The following ZNF708 variants were observed in gnomAD, a reference collection of about 807,000 sequenced individuals.
ZNF708 encodes the protein zinc finger protein 708.
In ZNF708, 44 loss-of-function variants were observed where a neutral mutation model predicts 47.0. The ratio of observed to expected loss-of-function variants is 0.94; its 90% confidence interval spans 0.74 to 1.20. ZNF708 has a LOEUF of 1.20. Among genes scored for constraint, ZNF708 ranks in the 50% most tolerant of loss-of-function variants. The pLI is 0.00. For synonymous variants in ZNF708, 184 were observed against 218.5 expected (o/e 0.84, Z 1.39); for missense variants, 557 against 656.0 (o/e 0.85, Z 1.65).
At chr19:21,316,962 T>C (rs1008816643) in intron 1 of ZNF708, among the ~76,000 whole-genome samples, 1 of 151,896 alleles carries the variant, frequency 6.6e-6, no homozygotes, top group Non-Finnish European at 1.5e-5. Flanking sequence ...AATTTTTGTA[T>C]TTTTAGTAGA....
chr19:21,325,328 A>G (rs1416031383), intron 1 of ZNF708, among the ~76,000 whole-genome samples: 1 of 152,246 alleles, frequency 6.6e-6, no homozygotes, highest in East Asian at 1.9e-4. Context: ...CTATAAGGCC[A>G]TAGTCACCAA....
At chr19:21,318,023 C>G (rs1370426599) in intron 1 of ZNF708, 1 of 152,172 alleles carries the variant, frequency 6.6e-6, no homozygotes, top group Non-Finnish European at 1.5e-5. Context: ...CTACTTATGG[C>G]TAGTGTCCTC....
At chr19:21,326,337 G>T (rs1348741411) in intron 1 of ZNF708, among the ~76,000 whole-genome samples, 3 of 152,082 alleles carry the variant, frequency 2.0e-5, no homozygotes, top group Non-Finnish European at 4.4e-5. Context: ...TCAATGAATG[G>T]ATAAAGAAAC....
At chr19:21,302,485 G>T (rs1972679606) in intron 3 of ZNF708, among the ~76,000 whole-genome samples, 1 of 151,960 alleles carries the variant, frequency 6.6e-6, no homozygotes, top group African/African-American at 2.4e-5. Context: ...ATCACCTGAG[G>T]TCAGAAGTTT....
chr19:21,327,959 C>A (rs1973296391), intron 1 of ZNF708: 1 of 1,031,032 alleles, frequency 9.7e-7, no homozygotes. Context: ...ACACTCCATA[C>A]CTCAGGTTGT....
chr19:21,326,574 C>T (rs548932048), intron 1 of ZNF708, among the ~76,000 whole-genome samples: 5 of 152,082 alleles, frequency 3.3e-5, no homozygotes, highest in South Asian at 2.1e-4. Context: ...GGAAGGGGGA[C>T]GAGGGATAAA....
At chr19:21,325,839 G>C (rs758989263) in intron 1 of ZNF708, among the ~76,000 whole-genome samples, 1 of 152,084 alleles carries the variant, frequency 6.6e-6, no homozygotes, top group African/African-American at 2.4e-5. Context: ...CTAATATCTA[G>C]AGTCTACAAC....
At chr19:21,324,296 A>C (rs925448587) in intron 1 of ZNF708, among the ~76,000 whole-genome samples, 4 of 152,060 alleles carry the variant, frequency 2.6e-5, no homozygotes, top group African/African-American at 9.7e-5. Flanking sequence ...GGCTGGGCGC[A>C]GTGGCTTACG....
intron 3 of ZNF708, among the ~76,000 whole-genome samples, chr19:21,298,382 TCA>T (rs1295671444): frequency 1.4e-4 from 21 of 152,154 alleles, no homozygotes; most frequent in Non-Finnish European, 2.5e-4. Flanking sequence ...ACGGAAAAAT[TCA>T]CAAATATATA....
At chr19:21,313,438 C>G (rs1471301956) in intron 1 of ZNF708, among the ~76,000 whole-genome samples, 1 of 152,084 alleles carries the variant, frequency 6.6e-6, no homozygotes, top group Admixed American at 6.6e-5. Context: ...AACTCTTCTA[C>G]TGTTTCTCTG....
At position 21,294,010 on chromosome 19, in the gene ZNF708, A is replaced by G; in HGVS notation, c.956T>C (p.Leu319Pro). ...KCGECGKAFT[L>P]SSHLTTHKRI... ...CTTATGTGTAGTAAGGTGTGAAGATAGGGTAAAGGCTTTGCCACATTCTCC... is the reference window on the plus strand; with the variant it reads ...CTTATGTGTAGTAAGGTGTGAAGATGGGGTAAAGGCTTTGCCACATTCTCC... The change falls in exon 4 of 4, where the codon CTA becomes CCA. Residue 319 changes from leucine (L) to proline (P), a missense_variant. Coordinates refer to ENST00000356929, the MANE Select transcript of ZNF708 (RefSeq NM_021269.3). The G allele has an allele frequency of 6.2e-7, 1 of 1,608,904 alleles. No homozygotes were observed. The highest frequency in any genetic ancestry group is 8.5e-7 in the Non-Finnish European group (1 of 1,178,380).
At chr19:21,297,271 T>TATATATATATA (rs1491214834) in intron 3 of ZNF708, among the ~76,000 whole-genome samples, 21 of 16,962 alleles carry the variant, frequency 1.2e-3, no homozygotes, top group East Asian at 4.9e-3. Flanking sequence ...TATATATATA[T>TATATATATATA]TTTTTTTTTT....
At chr19:21,299,782 A>G (rs1972617230) in intron 3 of ZNF708, among the ~76,000 whole-genome samples, 1 of 152,044 alleles carries the variant, frequency 6.6e-6, no homozygotes, top group Admixed American at 6.6e-5. Flanking sequence ...CAAAAAAAAA[A>G]AAAAAAATTG....
rs1491214834 is a variant in ZNF708, at chr19:21,297,271, T to TATATATATATATATA, written c.227-2533_227-2532insTATATATATATATAT. ...ATATATATATATATATATATATATATTTTTTTTTTTTTTTTTTTTTTTTTT... is the reference window on the plus strand; with the variant it reads ...ATATATATATATATATATATATATATATATATATATATATATTTTTTTTTTTTTTTTTTTTTTTTT... On this transcript the variant is annotated intron_variant, in intron 3 of 3. Transcript: ENST00000356929. 2.5e-3 allele frequency among the ~76,000 whole-genome samples: 43 copies of TATATATATATATATA among 16,964 alleles called. 6 individuals are homozygous for TATATATATATATATA. Among genetic ancestry groups the TATATATATATATATA allele is most frequent in the East Asian group, 9.7e-3 (6 of 616 alleles). 11.1% of individuals were successfully genotyped at this position (16,964 alleles called of 152,430 possible).
chr19:21,325,564 C>G (rs1973239132), intron 1 of ZNF708, among the ~76,000 whole-genome samples: 2 of 152,134 alleles, frequency 1.3e-5, no homozygotes, highest in African/African-American at 2.4e-5. Flanking sequence ...CAAAAATCAA[C>G]TCAAGATGGA....
chr19:21,296,436 A>T (rs1394214748), intron 3 of ZNF708, among the ~76,000 whole-genome samples: 1 of 152,126 alleles, frequency 6.6e-6, no homozygotes, highest in Middle Eastern at 3.2e-3. Context: ...TGAGAGGCGG[A>T]GATTGCAGTG....
At position 21,294,000 on chromosome 19, in the gene ZNF708, G is replaced by C. The variant is rs766267710; in HGVS notation, c.966C>G (p.His322Gln). Residue 322 changes from histidine (H) to glutamine (Q), a missense_variant, in exon 4 of 4, where the codon CAC becomes CAG. Transcript: ENST00000356929. ...TATGAATCCTCTTATGTGTAGTAAGGTGTGAAGATAGGGTAAAGGCTTTGC... is the reference window on the plus strand; with the variant it reads ...TATGAATCCTCTTATGTGTAGTAAGCTGTGAAGATAGGGTAAAGGCTTTGC... ...ECGKAFTLSS[H>Q]LTTHKRIHTG... The C allele has an allele frequency of 1.1e-5, 18 of 1,611,620 alleles. No individual in the cohort carries two copies. In the South Asian group the frequency reaches 2.0e-4, roughly 18 times the overall value.
intron 3 of ZNF708, among the ~76,000 whole-genome samples, chr19:21,295,034 A>G (rs1388701412): frequency 6.6e-6 from 1 of 152,214 alleles, no homozygotes; most frequent in Non-Finnish European, 1.5e-5. Flanking sequence ...GCTGCCCAAT[A>G]TAACATAGCG....
intron 1 of ZNF708, among the ~76,000 whole-genome samples, chr19:21,322,689 A>G (rs1973177448): frequency 6.6e-6 from 1 of 152,234 alleles, no homozygotes; most frequent in Non-Finnish European, 1.5e-5. Flanking sequence ...CAGCCTGTGT[A>G]CAGGAGAGCA....
Sources: gnomAD v4.1 joint callset for allele counts (sites outside exome capture counted in the v4.1 genomes callset) on GRCh38, gnomAD v4.1.1 for gene constraint, MANE v1.5 for transcripts, NCBI Gene and HGNC (gene_info 2026-07-23, HGNC 2026-07-21) for gene names.